Variants in PDCD6IP observed in about 807,000 individuals in gnomAD.
The protein encoded by PDCD6IP is programmed cell death 6 interacting protein, also known as programmed cell death 6-interacting protein.
PDCD6IP carries 43 observed loss-of-function variants against 103.7 expected under a neutral mutation model. That is an observed-to-expected ratio of 0.41 (90% CI 0.32 to 0.53). The LOEUF (loss-of-function observed/expected upper bound fraction) is 0.53, where lower values mean the gene tolerates loss of function less well. Ranked by LOEUF, PDCD6IP falls within the 20% of genes least tolerant of loss-of-function variation. The pLI is 0.16. For missense variants in PDCD6IP, 871 were observed against 1,036.7 expected (o/e 0.84, Z 2.20); for synonymous variants, 354 against 378.7 (o/e 0.93, Z 0.76).
Position 33,845,401 on chromosome 3 carries a change from A to G in PDCD6IP, c.1472-18A>G. ...TTAGAATCACTTCTGTGCTCTGCAA[A>G]CTTTTATTTTCTCCCAGAGGGAACC... On this transcript the variant is annotated intron_variant, in intron 11 of 17. Coordinates refer to ENST00000307296, the MANE Select transcript of PDCD6IP (RefSeq NM_013374.6). The G allele has an allele frequency of 3.7e-6, 6 of 1,604,088 alleles. No homozygotes were observed. Among genetic ancestry groups the G allele is most frequent in the Non-Finnish European group, 5.1e-6 (6 of 1,173,330 alleles).
intron 1 of PDCD6IP, among the ~76,000 whole-genome samples, chr3:33,799,988 C>T (rs1487504408): frequency 5.3e-5 from 8 of 151,736 alleles, no homozygotes; most frequent in African/African-American, 1.7e-4. Context: ...GGCGTGGTGG[C>T]GGGTGCCTGT....
At chr3:33,811,476 A>G (rs1439212188) in intron 1 of PDCD6IP, among the ~76,000 whole-genome samples, 1 of 152,234 alleles carries the variant, frequency 6.6e-6, no homozygotes, top group Non-Finnish European at 1.5e-5. Flanking sequence ...TTTCCCTGCC[A>G]GACTTGCTGA....
intron 15 of PDCD6IP, among the ~76,000 whole-genome samples, chr3:33,861,913 T>C (rs1697964226): frequency 6.6e-6 from 1 of 152,224 alleles, no homozygotes; most frequent in Admixed American, 6.5e-5. Context: ...TTCTTTTGAC[T>C]AATGGTTTGA....
chr3:33,852,182 C>T (rs1017701688), intron 12 of PDCD6IP, among the ~76,000 whole-genome samples: 9 of 151,998 alleles, frequency 5.9e-5, no homozygotes, highest in African/African-American at 9.7e-5. Context: ...ATATATATAC[C>T]CCATGGGGTA....
intron 1 of PDCD6IP, among the ~76,000 whole-genome samples, chr3:33,809,441 G>T (rs1375338879): frequency 1.3e-5 from 2 of 152,228 alleles, no homozygotes; most frequent in Non-Finnish European, 2.9e-5. Context: ...AATATCCTGA[G>T]ATGAGGCTGG....
chr3:33,810,276 T>A (rs1287631097), intron 1 of PDCD6IP, among the ~76,000 whole-genome samples: 1 of 152,220 alleles, frequency 6.6e-6, no homozygotes. Flanking sequence ...GGTCTTTTCC[T>A]CAATGGGCTC....
At chr3:33,811,512 A>T (rs143612166) in intron 1 of PDCD6IP, among the ~76,000 whole-genome samples, 1 of 152,202 alleles carries the variant, frequency 6.6e-6, no homozygotes, top group Non-Finnish European at 1.5e-5. Context: ...GATGGGGGGA[A>T]GTCTGCTTTA....
chr3:33,863,766 A>T, intron 15 of PDCD6IP: 1 of 490,298 alleles, frequency 2.0e-6, no homozygotes, highest in Non-Finnish European at 3.7e-6. Flanking sequence ...TTTCTTTAGG[A>T]TATATACCCA....
chr3:33,835,689 G>A (rs1315740652), intron 7 of PDCD6IP, among the ~76,000 whole-genome samples: 1 of 152,088 alleles, frequency 6.6e-6, no homozygotes, highest in East Asian at 1.9e-4. Context: ...CTGTGCTCCA[G>A]CCTGGGCGTC....
At chr3:33,859,491 A>G (rs1378319279) in intron 15 of PDCD6IP, among the ~76,000 whole-genome samples, 3 of 152,214 alleles carry the variant, frequency 2.0e-5, no homozygotes, top group African/African-American at 7.2e-5. Flanking sequence ...CCTAGAAGTG[A>G]ACGAGAAGAA....
At chr3:33,820,401 T>G (rs1696963875) in intron 3 of PDCD6IP, among the ~76,000 whole-genome samples, 1 of 152,234 alleles carries the variant, frequency 6.6e-6, no homozygotes. Flanking sequence ...AGTCGTAGAC[T>G]GCATTTAAAA....
chr3:33,842,161 C>T, intron 10 of PDCD6IP, 87 bp downstream of exon 10: 1 of 873,296 alleles, frequency 1.1e-6, no homozygotes, highest in Non-Finnish European at 1.8e-6. Context: ...CTTCCTCATG[C>T]TAGTACAGTG....
chr3:33,826,416 T>A, intron 5 of PDCD6IP, 64 bp from the exon 6 acceptor site: 1 of 1,130,568 alleles, frequency 8.8e-7, no homozygotes, highest in Non-Finnish European at 1.3e-6. Context: ...CCTCAGTGTT[T>A]ATACTGAGAC....
rs754266010 is a variant in PDCD6IP at position 33,798,761 on chromosome 3, G to C, written c.33G>C (p.Lys11Asn). The change falls in exon 1 of 18, where the codon AAG becomes AAC. Residue 11 changes from lysine (K) to asparagine (N), a missense_variant. Physicochemically the swap from Lys to Asn is moderately conservative, Grantham distance 94. Transcript: ENST00000307296. ...CATTCATCTCGGTGCAGCTGAAAAA[G>C]ACCTCAGAGGTGGACCTGGCCAAGC... MATFISVQLK[K>N]TSEVDLAKPL... The C allele has an allele frequency of 2.5e-6, 4 of 1,573,414 alleles. No homozygotes were observed. In the South Asian group the frequency reaches 3.5e-5, roughly 14 times the overall value.
chr3:33,811,369 T>C (rs1200248536), intron 1 of PDCD6IP, among the ~76,000 whole-genome samples: 3 of 152,132 alleles, frequency 2.0e-5, no homozygotes, highest in Non-Finnish European at 4.4e-5. Context: ...ATTACAAAAA[T>C]ACCCCTGATG....
chr3:33,860,475 C>T (rs1294996865), intron 15 of PDCD6IP, among the ~76,000 whole-genome samples: 1 of 152,160 alleles, frequency 6.6e-6, no homozygotes, highest in African/African-American at 2.4e-5. Flanking sequence ...AGGCAACCAG[C>T]ACTTAAATCA....
chr3:33,820,293 A>AG (rs925804600), intron 3 of PDCD6IP, among the ~76,000 whole-genome samples: 1 of 151,030 alleles, frequency 6.6e-6, no homozygotes, highest in African/African-American at 2.4e-5. Context: ...AAAAGAAAAA[A>AG]ACAATTATAA....
rs1329273725 is a variant in PDCD6IP at position 33,837,590 on chromosome 3, AT to A, written c.1058-598del. Among the ~76,000 whole-genome samples, 533 of 141,534 alleles carry A rather than the reference AT, an allele frequency of 3.8e-3. 2 individuals are homozygous for A. Among genetic ancestry groups the A allele is most frequent in the Non-Finnish European group, 1.9e-3 (119 of 63,988 alleles). The allele number at this position is 141,534 out of a possible 152,430, so 92.9% of individuals were successfully genotyped here. A position where few individuals can be genotyped will look rare whatever the true frequency, so the allele number is the denominator to read the frequency against. On this transcript the variant is annotated intron_variant, in intron 8 of 17. Coordinates refer to ENST00000307296, the MANE Select transcript of PDCD6IP (RefSeq NM_013374.6). ...CCTGCTGCCGTGACCCACTCAGTCAATTTTTTTTTTTTTTTTGAGACCGAGT... is the reference window on the plus strand; with the variant it reads ...CCTGCTGCCGTGACCCACTCAGTCAATTTTTTTTTTTTTTTGAGACCGAGT...
chr3:33,837,209 C>T (rs1381604390), intron 8 of PDCD6IP, among the ~76,000 whole-genome samples: 1 of 152,042 alleles, frequency 6.6e-6, no homozygotes, highest in African/African-American at 2.4e-5. Context: ...CATGAGCCAC[C>T]GTGCCCGGCC....
Sources: allele counts gnomAD v4.1 joint callset (sites outside exome capture counted in the v4.1 genomes callset), GRCh38; gene constraint gnomAD v4.1.1; transcripts MANE v1.5; gene names NCBI Gene and HGNC (gene_info 2026-07-23, HGNC 2026-07-21).